The following THEM4 variants were observed in gnomAD, a reference collection of about 807,000 sequenced individuals.
THEM4 encodes thioesterase superfamily member 4.
In THEM4, 22 loss-of-function variants were observed where a neutral mutation model predicts 25.0. The observed-to-expected ratio is 0.88, with a 90% CI of 0.63 to 1.26. THEM4 has a LOEUF of 1.26. Ranked by LOEUF, THEM4 falls within the 50% of genes most tolerant of loss-of-function variation. THEM4 has a pLI of 0.00. For synonymous variants in THEM4, 113 were observed against 105.6 expected (o/e 1.07, Z -0.43); for missense variants, 286 against 300.3 (o/e 0.95, Z 0.35).
At chr1:151,887,805 A>G (rs1654005732) in intron 4 of THEM4, among the ~76,000 whole-genome samples, 1 of 152,148 alleles carries the variant, frequency 6.6e-6, no homozygotes, top group South Asian at 2.1e-4. Context: ...TAAAAAATTA[A>G]TTTTGTTATG....
At chr1:151,908,889 T>C (rs1032438483) in intron 1 of THEM4, among the ~76,000 whole-genome samples, 1 of 152,216 alleles carries the variant, frequency 6.6e-6, no homozygotes, top group Non-Finnish European at 1.5e-5. Context: ...TGTGTAGTTA[T>C]ATATGTGTTG....
chr1:151,874,682 T>C lies in THEM4; in HGVS notation c.*206A>G. The C allele has an allele frequency of 1.6e-6, 1 of 630,874 alleles. No homozygotes were observed. The highest frequency in any genetic ancestry group is 2.8e-6 in the Non-Finnish European group (1 of 354,204). 39.1% of individuals were successfully genotyped at this position (630,874 alleles called of 1,614,324 possible). A position where few individuals can be genotyped will look rare whatever the true frequency, so the allele number is the denominator to read the frequency against. On this transcript the variant is annotated 3_prime_UTR_variant, in exon 6 of 6. Transcript: ENST00000368814. The stretch of plus-strand genomic sequence containing the variant: ...GAGCCACAGCGCCTGGCCCGAGAGT[T>C]GTCGATATGCTCGCAGGAAGTATTT...
At chr1:151,897,258 T>C (rs1399567174) in intron 1 of THEM4, among the ~76,000 whole-genome samples, 1 of 152,204 alleles carries the variant, frequency 6.6e-6, no homozygotes, top group Non-Finnish European at 1.5e-5. Flanking sequence ...GTACCTACAA[T>C]ACACACACTG....
At chr1:151,881,919 C>T (rs1300693988) in intron 4 of THEM4, among the ~76,000 whole-genome samples, 1 of 152,102 alleles carries the variant, frequency 6.6e-6, no homozygotes. Flanking sequence ...TCTCTTTATT[C>T]TATTTTTCTA....
chr1:151,891,217 G>A (rs1466101921), intron 2 of THEM4: 1 of 152,116 alleles, frequency 6.6e-6, no homozygotes, highest in Non-Finnish European at 1.5e-5. Flanking sequence ...AAGTCTGAAA[G>A]GCAAGAGTAT....
chr1:151,895,863 C>G (rs565098194), intron 1 of THEM4, among the ~76,000 whole-genome samples: 1 of 152,154 alleles, frequency 6.6e-6, no homozygotes, highest in South Asian at 2.1e-4. Flanking sequence ...ATAGTGAGTT[C>G]TCATGAGATC....
intron 2 of THEM4, among the ~76,000 whole-genome samples, chr1:151,891,927 T>C (rs1271653634): frequency 6.6e-6 from 1 of 151,982 alleles, no homozygotes; most frequent in African/African-American, 2.4e-5. Context: ...CAAAGTTAGA[T>C]GGTATAAACT....
intron 1 of THEM4, among the ~76,000 whole-genome samples, chr1:151,904,964 A>G (rs1654425398): frequency 6.6e-6 from 1 of 152,230 alleles, no homozygotes; most frequent in South Asian, 2.1e-4. Flanking sequence ...AGAAATAATA[A>G]AGGTTTCAGT....
intron 1 of THEM4, among the ~76,000 whole-genome samples, chr1:151,903,442 T>A (rs1443047229): frequency 1.3e-5 from 2 of 152,242 alleles, no homozygotes; most frequent in Non-Finnish European, 2.9e-5. Context: ...AGAAAAATAG[T>A]CCATTAAACT....
rs148910108 is a variant in THEM4, at chr1:151,870,960, A to G, written c.*3928T>C. ...ACGGCCTAATTATGTTTACACTGAT[A>G]GTTTAAAGATATTTTAGCACTAACC... On this transcript the variant is annotated 3_prime_UTR_variant, in exon 6 of 6. Coordinates refer to ENST00000368814, the MANE Select transcript of THEM4 (RefSeq NM_053055.5). Among the ~76,000 whole-genome samples, 4 of 152,352 alleles carry G rather than the reference A, an allele frequency of 2.6e-5. No individual in the cohort carries two copies. The highest frequency in any genetic ancestry group is 7.2e-5 in the African/African-American group (3 of 41,580).
chr1:151,909,341 C>G lies in THEM4; in HGVS notation c.99+19G>C. 6.6e-7 allele frequency: 1 copy of G among 1,512,654 alleles called. No individual in the cohort carries two copies. The highest frequency in any genetic ancestry group is 8.8e-7 in the Non-Finnish European group (1 of 1,135,430). 93.7% of individuals were successfully genotyped at this position (1,512,654 alleles called of 1,614,324 possible). The stretch of plus-strand genomic sequence containing the variant: ...CTGAGTCCTGCTCCCGCCCCATGCC[C>G]GAGGGTGCCCAGACTCACCAGCTCG... On this transcript the variant is annotated intron_variant, in intron 1 of 5. Transcript: ENST00000368814.
chr1:151,879,757 A>T (rs932072521), intron 4 of THEM4, among the ~76,000 whole-genome samples: 1 of 151,410 alleles, frequency 6.6e-6, no homozygotes, highest in African/African-American at 2.4e-5. Context: ...CCTGGGTTCA[A>T]GCGATTCTCC....
chr1:151,889,149 G>A, intron 3 of THEM4, 65 bp downstream of exon 3: 1 of 1,364,570 alleles, frequency 7.3e-7, no homozygotes, highest in South Asian at 1.2e-5. Flanking sequence ...TCCATGTACA[G>A]GACACATGGG....
intron 4 of THEM4, among the ~76,000 whole-genome samples, chr1:151,887,754 C>T (rs1654004650): frequency 6.6e-6 from 1 of 152,070 alleles, no homozygotes; most frequent in Admixed American, 6.6e-5. Flanking sequence ...TCTCAAGAAG[C>T]TAGGACTACA....
chr1:151,903,730 T>C (rs1430216457), intron 1 of THEM4, among the ~76,000 whole-genome samples: 2 of 152,210 alleles, frequency 1.3e-5, no homozygotes, highest in East Asian at 1.9e-4. Flanking sequence ...GAATTTGAAC[T>C]CATCTCATTA....
chr1:151,894,022 A>G (rs533956142), intron 2 of THEM4, among the ~76,000 whole-genome samples: 119 of 152,096 alleles, frequency 7.8e-4, no homozygotes, highest in African/African-American at 2.7e-3. Flanking sequence ...ACGAGGCCCA[A>G]CTAATTTTTT....
intron 2 of THEM4, among the ~76,000 whole-genome samples, chr1:151,892,496 T>A (rs957322461): frequency 6.6e-6 from 1 of 152,184 alleles, no homozygotes; most frequent in Non-Finnish European, 1.5e-5. Context: ...TGGAAGAGAA[T>A]AAGTAATACA....
chr1:151,893,383 C>CAAAAAAAA (rs5777789), intron 2 of THEM4, among the ~76,000 whole-genome samples: 4 of 139,482 alleles, frequency 2.9e-5, no homozygotes, highest in Non-Finnish European at 4.5e-5. Context: ...AAACCAAAAA[C>CAAAAAAAA]AAAAAAAACA....
intron 1 of THEM4, among the ~76,000 whole-genome samples, chr1:151,899,343 T>G (rs1654298494): frequency 6.6e-6 from 1 of 151,804 alleles, no homozygotes; most frequent in Non-Finnish European, 1.5e-5. Context: ...ATACAAAAAT[T>G]AGCTGGGCAT....
Sources: gnomAD v4.1 joint callset for allele counts (sites outside exome capture counted in the v4.1 genomes callset) on GRCh38, gnomAD v4.1.1 for gene constraint, MANE v1.5 for transcripts, NCBI Gene and HGNC (gene_info 2026-07-23, HGNC 2026-07-21) for gene names.